The following KIAA0825 variants were observed in gnomAD, a reference collection of about 807,000 sequenced individuals.
KIAA0825 encodes KIAA0825, also known as uncharacterized protein KIAA0825.
KIAA0825 carries 119 observed loss-of-function variants against 147.6 expected under a neutral mutation model. The ratio of observed to expected loss-of-function variants is 0.81; its 90% CI spans 0.69 to 0.94. The LOEUF (loss-of-function observed/expected upper bound fraction) is 0.94, where lower values mean the gene tolerates loss of function less well. Among genes scored for constraint, KIAA0825 ranks in the 40% least tolerant of loss-of-function variants. The probability of loss-of-function intolerance (pLI) is 0.00; values close to 1 mark genes in which losing one functional copy is unlikely to be tolerated. For synonymous variants in KIAA0825, 470 were observed against 518.1 expected (o/e 0.91, Z 1.26); for missense variants, 1,381 against 1,472.7 (o/e 0.94, Z 1.02).
chr5:94,372,638 G>A (rs1746887193), intron 20 of KIAA0825, among the ~76,000 whole-genome samples: 1 of 152,208 alleles, frequency 6.6e-6, no homozygotes, highest in Admixed American at 6.5e-5. Context: ...CCTGGGCCCA[G>A]GCCACAAAGC....
chr5:94,479,136 T>C (rs939716773), intron 6 of KIAA0825, among the ~76,000 whole-genome samples: 4 of 152,168 alleles, frequency 2.6e-5, no homozygotes, highest in African/African-American at 9.7e-5. Flanking sequence ...GTTCACTCTT[T>C]GTGTTGTGCA....
intron 5 of KIAA0825, among the ~76,000 whole-genome samples, chr5:94,509,303 T>C (rs1766159005): frequency 6.6e-6 from 1 of 152,184 alleles, no homozygotes; most frequent in South Asian, 2.1e-4. Flanking sequence ...ATGAATAAAA[T>C]TTAATAAAAT....
At chr5:94,267,088 G>C (rs1776768837) in intron 20 of KIAA0825, among the ~76,000 whole-genome samples, 1 of 152,154 alleles carries the variant, frequency 6.6e-6, no homozygotes. Context: ...TGTCTCAAAT[G>C]CTTGACTATT....
chr5:94,517,155 C>A (rs1186585427), intron 5 of KIAA0825, among the ~76,000 whole-genome samples: 3 of 152,120 alleles, frequency 2.0e-5, no homozygotes, highest in Non-Finnish European at 4.4e-5. Context: ...AACTATCATA[C>A]TGTTTTGCAC....
rs144698014 is a variant in KIAA0825, at chr5:94,471,082, T to G, written c.1721+384A>C. Among the ~76,000 whole-genome samples, 1,185 of 152,338 alleles carry G rather than the reference T, an allele frequency of 7.8e-3. 11 individuals are homozygous for G. Among genetic ancestry groups the G allele is most frequent in the Middle Eastern group, 0.01 (3 of 294 alleles). On this transcript the variant is annotated intron_variant, in intron 9 of 20. Transcript: ENST00000682413. ...AGAAGAGATTACAATGCATTTATTT[T>G]CTAAGTCCGCTCCACGAGACAACAA...
chr5:94,205,537 C>T (rs185921021), intron 20 of KIAA0825, among the ~76,000 whole-genome samples: 3,301 of 151,918 alleles, frequency 0.022, 49 homozygotes, highest in Non-Finnish European at 0.034. Flanking sequence ...GTGATCCGCC[C>T]GCCTTGGCCT....
At position 94,462,379 on chromosome 5, in the gene KIAA0825, ATACT is replaced by A. The variant is rs1365262489; in HGVS notation, c.2246+4_2246+7del. ...AATAGCTAAAAGGAAAATACATTTG[ATACT>A]TACTTATATAATTCTGTTAATGGTG... On this transcript the variant is annotated splice_donor_5th_base_variant and intron_variant, in intron 12 of 20. Coordinates refer to ENST00000682413, the MANE Select transcript of KIAA0825 (RefSeq NM_001145678.3). 14 of 1,296,568 alleles carry A rather than the reference ATACT, an allele frequency of 1.1e-5. No individual in the cohort carries two copies. The highest frequency in any genetic ancestry group is 2.6e-5 in the Admixed American group (1 of 39,210). The allele number at this position is 1,296,568 out of a possible 1,614,324, so 80.3% of individuals were successfully genotyped here.
Position 94,179,918 on chromosome 5 carries a change from C to G in KIAA0825, c.3711-25794G>C, listed in dbSNP as rs562877549. On this transcript the variant is annotated intron_variant, in intron 20 of 20. Coordinates refer to ENST00000682413, the MANE Select transcript of KIAA0825 (RefSeq NM_001145678.3). ...TGACAATTCTTTCTTATATAATAATCACAATTAATAAATACAAGGAATAAA... is the reference window on the plus strand; with the variant it reads ...TGACAATTCTTTCTTATATAATAATGACAATTAATAAATACAAGGAATAAA... Among the ~76,000 whole-genome samples the G allele has an allele frequency of 5.9e-5, 9 of 151,944 alleles. No homozygotes were observed. The South Asian group carries it at 1.9e-3, about 32-fold the overall frequency.
At chr5:94,602,880 G>A in intron 1 of KIAA0825, among the ~76,000 whole-genome samples, 1 of 150,508 alleles carries the variant, frequency 6.6e-6, no homozygotes, top group East Asian at 2.0e-4. Flanking sequence ...CCAGGCTGGA[G>A]TGCAGTGGCA....
chr5:94,396,888 GA>G (rs1750731006), intron 16 of KIAA0825, among the ~76,000 whole-genome samples: 1 of 151,702 alleles, frequency 6.6e-6, no homozygotes, highest in Non-Finnish European at 1.5e-5. Flanking sequence ...TCCTCCCTTG[GA>G]ATCCATGACA....
chr5:94,517,698 T>C (rs1183967135), intron 5 of KIAA0825, among the ~76,000 whole-genome samples: 2 of 150,748 alleles, frequency 1.3e-5, no homozygotes, highest in East Asian at 1.9e-4. Flanking sequence ...AAATTAAATT[T>C]ATTTTAAATT....
At chr5:94,290,303 G>A (rs770833590) in intron 20 of KIAA0825, among the ~76,000 whole-genome samples, 1 of 152,040 alleles carries the variant, frequency 6.6e-6, no homozygotes, top group East Asian at 1.9e-4. Flanking sequence ...CCACCCAACA[G>A]ACCCTGGTGT....
intron 4 of KIAA0825, among the ~76,000 whole-genome samples, chr5:94,522,072 A>G (rs1768321841): frequency 1.3e-5 from 2 of 151,754 alleles, no homozygotes; most frequent in Non-Finnish European, 3.0e-5. Flanking sequence ...ATTTATACAA[A>G]CATTTCCTGG....
At chr5:94,616,547 T>C (rs766124069) in intron 1 of KIAA0825, among the ~76,000 whole-genome samples, 7 of 151,676 alleles carry the variant, frequency 4.6e-5, no homozygotes, top group Non-Finnish European at 8.8e-5. Context: ...CACACACACA[T>C]GCACACACAA....
intron 7 of KIAA0825, among the ~76,000 whole-genome samples, chr5:94,476,235 T>C (rs1761880536): frequency 6.6e-6 from 1 of 152,192 alleles, no homozygotes; most frequent in Non-Finnish European, 1.5e-5. Context: ...TCAAGATTTT[T>C]CAAAAGGAAG....
chr5:94,467,133 A>C (rs1233262758), intron 10 of KIAA0825, among the ~76,000 whole-genome samples: 2 of 152,236 alleles, frequency 1.3e-5, no homozygotes, highest in African/African-American at 4.8e-5. Flanking sequence ...AAAAATACTC[A>C]TTTTAAGACT....
At chr5:94,597,297 A>G (rs1400563237) in intron 1 of KIAA0825, among the ~76,000 whole-genome samples, 1 of 152,302 alleles carries the variant, frequency 6.6e-6, no homozygotes, top group Admixed American at 6.5e-5. Context: ...AAATTTTAAA[A>G]GAATATAATC....
intron 1 of KIAA0825, among the ~76,000 whole-genome samples, chr5:94,599,787 T>C (rs554549783): frequency 6.6e-6 from 1 of 152,252 alleles, no homozygotes; most frequent in East Asian, 1.9e-4. Context: ...TAGTACAAAA[T>C]CTTCACAGCA....
chr5:94,205,299 A>ATATATATATATATTTTTTTT, intron 20 of KIAA0825, among the ~76,000 whole-genome samples: 1 of 137,908 alleles, frequency 7.3e-6, no homozygotes, highest in African/African-American at 2.8e-5. Context: ...ATATATATAT[A>ATATATATATATATTTTTTTT]TTTTGTTTTG....
Sources: allele counts gnomAD v4.1 joint callset (sites outside exome capture counted in the v4.1 genomes callset), GRCh38; gene constraint gnomAD v4.1.1; transcripts MANE v1.5; gene names NCBI Gene and HGNC (gene_info 2026-07-23, HGNC 2026-07-21).